NALF1: variants seen among roughly 807,000 people sequenced by gnomAD.
The protein encoded by NALF1 is family with sequence similarity 155 member A.
A neutral mutation model predicts 48.4 loss-of-function variants in NALF1; 3 were observed. The observed-to-expected ratio is 0.06, with a 90% CI of 0.03 to 0.16. The LOEUF (loss-of-function observed/expected upper bound fraction) is 0.16. Ranked by LOEUF, NALF1 falls within the 10% of genes least tolerant of loss-of-function variation. The probability of loss-of-function intolerance (pLI) is 1.00; values close to 1 mark genes in which losing one functional copy is unlikely to be tolerated. For synonymous variants in NALF1, 262 were observed against 245.7 expected (o/e 1.07, Z -0.62); for missense variants, 526 against 571.5 (o/e 0.92, Z 0.81).
chr13:107,370,298 C>A (rs1426509026), intron 1 of NALF1, among the ~76,000 whole-genome samples: 2 of 152,214 alleles, frequency 1.3e-5, no homozygotes, highest in Non-Finnish European at 2.9e-5. Context: ...ATACATCCTT[C>A]CCGCCCCAAA....
chr13:107,204,012 G>A (rs988772061), intron 2 of NALF1, among the ~76,000 whole-genome samples: 5 of 131,670 alleles, frequency 3.8e-5, no homozygotes, highest in Admixed American at 1.5e-4. Flanking sequence ...AGAGAGGGGC[G>A]CCCACAAGCT....
intron 1 of NALF1, among the ~76,000 whole-genome samples, chr13:107,818,238 G>A (rs910813133): frequency 6.6e-6 from 1 of 152,256 alleles, no homozygotes; most frequent in Non-Finnish European, 1.5e-5. Flanking sequence ...GAGGGGCTGT[G>A]ATCCAGAATA....
intron 1 of NALF1, among the ~76,000 whole-genome samples, chr13:107,247,122 C>T (rs1233131862): frequency 6.6e-6 from 1 of 152,076 alleles, no homozygotes; most frequent in Non-Finnish European, 1.5e-5. Flanking sequence ...CTTTTTATCA[C>T]TTTGGATTAA....
At chr13:107,568,725 T>G (rs943430249) in intron 1 of NALF1, among the ~76,000 whole-genome samples, 1 of 152,246 alleles carries the variant, frequency 6.6e-6, no homozygotes. Context: ...TATGTGCTTA[T>G]TTTCAAACTG....
chr13:107,212,418 C>T (rs187466974), intron 1 of NALF1, among the ~76,000 whole-genome samples: 4 of 152,254 alleles, frequency 2.6e-5, no homozygotes, highest in South Asian at 2.1e-4. Context: ...TAGAAGAAAA[C>T]GTTACAATAG....
intron 1 of NALF1, among the ~76,000 whole-genome samples, chr13:107,297,700 A>G (rs1220859358): frequency 6.6e-6 from 1 of 152,140 alleles, no homozygotes; most frequent in Non-Finnish European, 1.5e-5. Flanking sequence ...AGTTAAACCC[A>G]CTTACTGCTT....
chr13:107,555,439 A>ATTTTTTTTTTTTTT (rs34486058), intron 1 of NALF1, among the ~76,000 whole-genome samples: 8 of 69,962 alleles, frequency 1.1e-4, no homozygotes, highest in African/African-American at 3.3e-4. Flanking sequence ...AGCCTGGCTA[A>ATTTTTTTTTTTTTT]TTTTTTTTTT....
At chr13:107,394,415 G>A (rs954603233) in intron 1 of NALF1, among the ~76,000 whole-genome samples, 1 of 152,124 alleles carries the variant, frequency 6.6e-6, no homozygotes, top group African/African-American at 2.4e-5. Flanking sequence ...TATGTGCTGT[G>A]ACTATATAAT....
intron 1 of NALF1, among the ~76,000 whole-genome samples, chr13:107,256,708 G>C (rs1190027719): frequency 6.6e-6 from 1 of 152,128 alleles, no homozygotes. Flanking sequence ...TTTGTCAGTT[G>C]CAACTATCCT....
At chr13:107,627,279 T>A (rs1879698388) in intron 1 of NALF1, among the ~76,000 whole-genome samples, 1 of 152,056 alleles carries the variant, frequency 6.6e-6, no homozygotes, top group Non-Finnish European at 1.5e-5. Flanking sequence ...AGAAAATGAG[T>A]ACCTTGTGAG....
At chr13:107,532,743 T>C (rs1320207054) in intron 1 of NALF1, among the ~76,000 whole-genome samples, 3 of 152,226 alleles carry the variant, frequency 2.0e-5, no homozygotes, top group East Asian at 3.9e-4. Context: ...GCCTGGGACA[T>C]TAATGAAATT....
intron 1 of NALF1, among the ~76,000 whole-genome samples, chr13:107,316,658 G>A (rs575219071): frequency 1.3e-3 from 196 of 152,288 alleles, no homozygotes; most frequent in Non-Finnish European, 2.3e-3. Context: ...GTGGTGATGA[G>A]CATTTTTTCA....
intron 1 of NALF1, among the ~76,000 whole-genome samples, chr13:107,226,074 G>C (rs971266378): frequency 6.6e-5 from 10 of 151,994 alleles, no homozygotes; most frequent in Admixed American, 2.6e-4. Context: ...CATAAAGGTC[G>C]TTTTCTTAAG....
intron 1 of NALF1, among the ~76,000 whole-genome samples, chr13:107,835,248 C>T (rs1879855412): frequency 6.6e-6 from 1 of 152,140 alleles, no homozygotes; most frequent in Non-Finnish European, 1.5e-5. Context: ...CAGATTTTTC[C>T]TTTCTTTCCT....
chr13:107,495,161 A>G (rs1566365544), intron 1 of NALF1, among the ~76,000 whole-genome samples: 1 of 152,208 alleles, frequency 6.6e-6, no homozygotes, highest in African/African-American at 2.4e-5. Flanking sequence ...GTTTGAACAA[A>G]AGGGAAAATT....
At chr13:107,175,171 G>A (rs1029545129) in intron 2 of NALF1, among the ~76,000 whole-genome samples, 32 of 151,752 alleles carry the variant, frequency 2.1e-4, no homozygotes, top group Non-Finnish European at 4.1e-4. Context: ...TTACAGGCGT[G>A]AGCCATCGCG....
chr13:107,615,563 G>A (rs1879357667), intron 1 of NALF1, among the ~76,000 whole-genome samples: 1 of 152,156 alleles, frequency 6.6e-6, no homozygotes, highest in African/African-American at 2.4e-5. Context: ...CGCCTTCAGA[G>A]CGAGGTCATA....
intron 1 of NALF1, among the ~76,000 whole-genome samples, chr13:107,772,349 T>C (rs1304573331): frequency 6.6e-6 from 1 of 152,150 alleles, no homozygotes; most frequent in Non-Finnish European, 1.5e-5. Context: ...ATACCATTAG[T>C]AGTGAAAATT....
At chr13:107,827,289 T>G (rs1274076782) in intron 1 of NALF1, among the ~76,000 whole-genome samples, 1 of 152,236 alleles carries the variant, frequency 6.6e-6, no homozygotes, top group African/African-American at 2.4e-5. Context: ...TCAACTAAAC[T>G]TGCAGATTTA....
Sources: gnomAD v4.1 joint callset for allele counts (sites outside exome capture counted in the v4.1 genomes callset) on GRCh38, gnomAD v4.1.1 for gene constraint, MANE v1.5 for transcripts, NCBI Gene and HGNC (gene_info 2026-07-23, HGNC 2026-07-21) for gene names.